PCDHGA3: variants seen among roughly 807,000 people sequenced by gnomAD.
PCDHGA3 encodes the protein protocadherin gamma-A3.
Under a neutral mutation model 58.5 loss-of-function variants are expected in PCDHGA3, and 40 were observed. The observed-to-expected ratio is 0.68, with a 90% CI of 0.53 to 0.89. The LOEUF (loss-of-function observed/expected upper bound fraction) is 0.89, where lower values mean the gene tolerates loss of function less well. Among genes scored for constraint, PCDHGA3 ranks in the 40% least tolerant of loss-of-function variants. PCDHGA3 has a pLI of 0.00. For missense variants in PCDHGA3, 1,223 were observed against 1,195.9 expected (o/e 1.02, Z -0.33); for synonymous variants, 530 against 525.7 (o/e 1.01, Z -0.11).
Position 141,490,943 on chromosome 5 carries a change from G to A in PCDHGA3, c.2425-3864G>A, listed in dbSNP as rs1035375216. The A allele has an allele frequency of 6.8e-6, 11 of 1,613,470 alleles. No homozygotes were observed. The East Asian group carries it at 1.1e-4, about 16-fold the overall frequency. On this transcript the variant is annotated intron_variant, in intron 1 of 3. Coordinates refer to ENST00000253812, the MANE Select transcript of PCDHGA3 (RefSeq NM_018916.4). This position sits in a 1 kb window ranked among gnomAD's most constrained non-coding sequence, Gnocchi z 5.4. Reference sequence around the variant, plus strand: ...AATGCCCCAGCTGTGCTGCACCCACGGCCAGACTGGGAACACTCAGCCCCC... The same window carrying A: ...AATGCCCCAGCTGTGCTGCACCCACAGCCAGACTGGGAACACTCAGCCCCC...
intron 1 of PCDHGA3, among the ~76,000 whole-genome samples, chr5:141,354,123 G>C (rs1759471548): frequency 6.6e-6 from 1 of 152,204 alleles, no homozygotes; most frequent in Non-Finnish European, 1.5e-5. Flanking sequence ...AGTAAAGTTA[G>C]AAATTGTAAA....
At chr5:141,358,102 A>G (rs1359136399) in intron 1 of PCDHGA3, among the ~76,000 whole-genome samples, 1 of 152,204 alleles carries the variant, frequency 6.6e-6, no homozygotes, top group Admixed American at 6.5e-5. Flanking sequence ...AGGCATGAGA[A>G]TTGCTTGAAC....
At chr5:141,374,687 C>A in intron 1 of PCDHGA3, 1 of 1,609,446 alleles carries the variant, frequency 6.2e-7, no homozygotes, top group Non-Finnish European at 8.5e-7. Flanking sequence ...CACACTGGAC[C>A]GGGAAGGAGA....
intron 1 of PCDHGA3, chr5:141,360,995 A>G: frequency 6.2e-7 from 1 of 1,613,650 alleles, no homozygotes; most frequent in Non-Finnish European, 8.5e-7. Context: ...GTGGACGAAC[A>G]AGTGAAACAC....
At chr5:141,352,463 G>T (rs779356890) in intron 1 of PCDHGA3, 8 of 1,614,020 alleles carry the variant, frequency 5.0e-6, no homozygotes, top group Non-Finnish European at 6.8e-6. Flanking sequence ...TGGGCCCGGG[G>T]TTCCTCCCAA....
chr5:141,355,560 G>A, intron 1 of PCDHGA3: 1 of 1,614,024 alleles, frequency 6.2e-7, no homozygotes, highest in Admixed American at 1.7e-5. Flanking sequence ...TGCGGGTAGA[G>A]GTGGAAATAA....
chr5:141,433,032 C>G, intron 1 of PCDHGA3: 1 of 1,614,188 alleles, frequency 6.2e-7, no homozygotes, highest in Non-Finnish European at 8.5e-7. Context: ...CACGAGGTTT[C>G]CCTCACCACG....
chr5:141,485,866 C>T lies in PCDHGA3; in HGVS notation c.2425-8941C>T. The T allele has an allele frequency of 2.5e-6, 4 of 1,614,144 alleles. No individual in the cohort carries two copies. Among genetic ancestry groups the T allele is most frequent in the Non-Finnish European group, 3.4e-6 (4 of 1,180,014 alleles). On this transcript the variant is annotated intron_variant, in intron 1 of 3. Coordinates refer to ENST00000253812, the MANE Select transcript of PCDHGA3 (RefSeq NM_018916.4). The surrounding 1 kb of genome is among the most constrained non-coding windows in gnomAD (Gnocchi z 5.7). ...CTGGCACCGCAGAGCTCCGGGTATCCGTGCTGGACGTAAACGACAACGCCC... is the reference window on the plus strand; with the variant it reads ...CTGGCACCGCAGAGCTCCGGGTATCTGTGCTGGACGTAAACGACAACGCCC...
chr5:141,368,709 C>T (rs540009128), intron 1 of PCDHGA3, among the ~76,000 whole-genome samples: 5 of 152,276 alleles, frequency 3.3e-5, no homozygotes, highest in African/African-American at 1.2e-4. Flanking sequence ...TTGATCCATA[C>T]ATTTTGAATG....
intron 1 of PCDHGA3, chr5:141,388,812 G>C (rs775037681): frequency 6.2e-7 from 1 of 1,613,934 alleles, no homozygotes. Flanking sequence ...TTTTGAAGAA[G>C]TCAAAGAATA....
At chr5:141,419,201 A>C in intron 1 of PCDHGA3, 1 of 1,613,998 alleles carries the variant, frequency 6.2e-7, no homozygotes, top group South Asian at 1.1e-5. Context: ...CGTCAATGAC[A>C]ACGCGCCGGT....
At position 141,511,355 on chromosome 5, in the gene PCDHGA3, G is replaced by A; in HGVS notation, c.*182G>A. On this transcript the variant is annotated 3_prime_UTR_variant, in exon 4 of 4. Coordinates refer to ENST00000253812, the MANE Select transcript of PCDHGA3 (RefSeq NM_018916.4). ...TCAGCACCTACCCCTTCCCCCCCAG[G>A]GGGTTGAATATGCAAAAGCAGTTCC... 4 of 1,379,256 alleles carry A rather than the reference G, an allele frequency of 2.9e-6. No individual in the cohort carries two copies. The highest frequency in any genetic ancestry group is 3.9e-6 in the Non-Finnish European group (4 of 1,035,886). 85.4% of individuals were successfully genotyped at this position (1,379,256 alleles called of 1,614,324 possible).
chr5:141,384,259 C>T, intron 1 of PCDHGA3: 2 of 1,613,886 alleles, frequency 1.2e-6, no homozygotes, highest in African/African-American at 1.3e-5. Flanking sequence ...CACCTTCCCC[C>T]ACTCATCCTA....
Position 141,343,972 on chromosome 5 carries a change from G to C in PCDHGA3, c.-62G>C. On this transcript the variant is annotated 5_prime_UTR_variant, in exon 1 of 4. Coordinates refer to ENST00000253812, the MANE Select transcript of PCDHGA3 (RefSeq NM_018916.4). Reference sequence around the variant, plus strand: ...AAGACTTCGTTTCTTGAGAAAATAAGATTGGAGTCCGTCGTAGGAAACTGG... The same window carrying C: ...AAGACTTCGTTTCTTGAGAAAATAACATTGGAGTCCGTCGTAGGAAACTGG... 1.4e-6 allele frequency: 2 copies of C among 1,390,454 alleles called. No individual in the cohort carries two copies. The highest frequency in any genetic ancestry group is 1.9e-6 in the Non-Finnish European group (2 of 1,031,826). 86.1% of individuals were successfully genotyped at this position (1,390,454 alleles called of 1,614,324 possible).
intron 1 of PCDHGA3, chr5:141,403,381 C>T (rs1022563452): frequency 4.3e-6 from 7 of 1,614,038 alleles, no homozygotes; most frequent in Non-Finnish European, 8.5e-7. Context: ...TAAAAATTAA[C>T]GAAATCGCGG....
At chr5:141,430,313 G>A (rs1018901791) in intron 1 of PCDHGA3, among the ~76,000 whole-genome samples, 1 of 150,204 alleles carries the variant, frequency 6.7e-6, no homozygotes, top group South Asian at 2.1e-4. Context: ...AACATTATAA[G>A]ATTAAAATCA....
chr5:141,375,838 C>T (rs527863161), intron 1 of PCDHGA3: 1 of 1,614,128 alleles, frequency 6.2e-7, no homozygotes, highest in Admixed American at 1.7e-5. Flanking sequence ...CAGAGCCCGG[C>T]TACCTGGTGA....
intron 1 of PCDHGA3, chr5:141,385,514 G>T: frequency 7.3e-7 from 1 of 1,363,606 alleles, no homozygotes; most frequent in Non-Finnish European, 9.5e-7. Context: ...TTTAGTGAAA[G>T]CCTATGGACA....
intron 1 of PCDHGA3, among the ~76,000 whole-genome samples, chr5:141,453,623 T>C (rs1264665094): frequency 1.3e-5 from 2 of 152,238 alleles, no homozygotes; most frequent in Admixed American, 1.3e-4. Flanking sequence ...AAACAAAACC[T>C]ATACATATTT....
Sources: allele counts gnomAD v4.1 joint callset (sites outside exome capture counted in the v4.1 genomes callset), GRCh38; gene constraint gnomAD v4.1.1; non-coding constraint Gnocchi (gnomAD v3.1); transcripts MANE v1.5; gene names NCBI Gene and HGNC (gene_info 2026-07-23, HGNC 2026-07-21).